The following DLGAP2 variants were observed in gnomAD, a reference collection of about 807,000 sequenced individuals.
DLGAP2 encodes DLG associated protein 2.
A neutral mutation model predicts 100.3 loss-of-function variants in DLGAP2; 26 were observed. The observed-to-expected ratio is 0.26, with a 90% CI of 0.19 to 0.36. The LOEUF is 0.36. Ranked by LOEUF, DLGAP2 falls within the 10% of genes least tolerant of loss-of-function variation. The pLI is 1.00. For missense variants in DLGAP2, 1,858 were observed against 1,453.2 expected, an observed-to-expected ratio of 1.28 and a Z score of -4.53; for synonymous variants, 886 against 630.1, an observed-to-expected ratio of 1.41 and a Z score of -6.08.
intron 2 of DLGAP2, among the ~76,000 whole-genome samples, chr8:1,030,794 T>G (rs1011558927): frequency 7.9e-5 from 12 of 152,154 alleles, no homozygotes; most frequent in Non-Finnish European, 2.9e-5. Context: ...CTGACCTAAG[T>G]TAAAGCAAAG....
intron 6 of DLGAP2, among the ~76,000 whole-genome samples, chr8:1,568,081 C>A (rs1802477523): frequency 6.6e-6 from 1 of 150,984 alleles, no homozygotes; most frequent in South Asian, 2.1e-4. Context: ...ACTCAGCAGA[C>A]ACAAATCCGT....
At chr8:1,143,628 G>C (rs907377006) in intron 2 of DLGAP2, among the ~76,000 whole-genome samples, 1 of 152,188 alleles carries the variant, frequency 6.6e-6, no homozygotes, top group African/African-American at 2.4e-5. Flanking sequence ...GGCGGCATCT[G>C]AGAGGCTTCA....
chr8:1,592,938 C>T (rs955850985), intron 6 of DLGAP2, among the ~76,000 whole-genome samples: 4 of 152,142 alleles, frequency 2.6e-5, no homozygotes, highest in Non-Finnish European at 5.9e-5. Context: ...TATCTAAAAT[C>T]ACAGCAGGAT....
At chr8:1,447,069 T>C (rs1314690081) in intron 3 of DLGAP2, among the ~76,000 whole-genome samples, 1 of 152,222 alleles carries the variant, frequency 6.6e-6, no homozygotes, top group African/African-American at 2.4e-5. Flanking sequence ...CTTTTCCTAA[T>C]TGAATACCCT....
At chr8:926,749 G>C (rs1207732893) in intron 2 of DLGAP2, among the ~76,000 whole-genome samples, 1 of 152,240 alleles carries the variant, frequency 6.6e-6, no homozygotes, top group Non-Finnish European at 1.5e-5. Flanking sequence ...AGTGAGCCAG[G>C]AGGAAGGATG....
chr8:1,291,517 C>G (rs1800059736), intron 3 of DLGAP2, among the ~76,000 whole-genome samples: 1 of 152,108 alleles, frequency 6.6e-6, no homozygotes. Flanking sequence ...GAGGAGAAGC[C>G]CATGACACAG....
rs34911599 is a variant in DLGAP2 at position 840,381 on chromosome 8, T to C, written c.19-67531T>C. Among the ~76,000 whole-genome samples the C allele has an allele frequency of 1.7e-3, 126 of 73,480 alleles. 1 individual carries two copies. The highest frequency in any genetic ancestry group is 0.011 in the Middle Eastern group (1 of 90). The allele number at this position is 73,480 out of a possible 152,430, so 48.2% of individuals were successfully genotyped here. A position where few individuals can be genotyped will look rare whatever the true frequency, so the allele number is the denominator to read the frequency against. ...CACGGTGCACGCCTGCACGTTTCCC[T>C]ACACTCTGGATTCTGCGAGCGCGTC... On this transcript the variant is annotated intron_variant, in intron 1 of 14. Transcript: ENST00000637795.
chr8:1,251,699 G>T (rs549270566), intron 2 of DLGAP2, among the ~76,000 whole-genome samples: 1 of 152,184 alleles, frequency 6.6e-6, no homozygotes, highest in South Asian at 2.1e-4. Context: ...CGTGGAGTCA[G>T]GTCATCATGT....
At chr8:995,126 G>GA (rs1340170310) in intron 2 of DLGAP2, among the ~76,000 whole-genome samples, 1 of 152,156 alleles carries the variant, frequency 6.6e-6, no homozygotes, top group East Asian at 1.9e-4. Flanking sequence ...TATTGCCTCA[G>GA]ACAGTCTTTT....
intron 3 of DLGAP2, among the ~76,000 whole-genome samples, chr8:1,329,086 G>T (rs1033865416): frequency 2.6e-5 from 4 of 152,178 alleles, no homozygotes; most frequent in Non-Finnish European, 4.4e-5. Context: ...GGTGACAAGC[G>T]ACAAGCGACG....
At chr8:912,521 C>G (rs530215698) in intron 2 of DLGAP2, among the ~76,000 whole-genome samples, 2 of 152,338 alleles carry the variant, frequency 1.3e-5, no homozygotes, top group Admixed American at 6.5e-5. Flanking sequence ...GGTCCAGTTT[C>G]AAGCTGCTGC....
intron 3 of DLGAP2, among the ~76,000 whole-genome samples, chr8:1,370,098 T>G (rs1357883334): frequency 2.0e-5 from 3 of 152,168 alleles, no homozygotes; most frequent in Non-Finnish European, 2.9e-5. Context: ...AGGCAGCTTT[T>G]CTCCCACAGG....
intron 1 of DLGAP2, among the ~76,000 whole-genome samples, chr8:836,328 C>T (rs781349165): frequency 2.0e-5 from 3 of 152,176 alleles, no homozygotes; most frequent in Non-Finnish European, 4.4e-5. Flanking sequence ...GAGAAGATAT[C>T]GGCTTGGTCC....
chr8:1,106,768 G>A (rs567835325), intron 2 of DLGAP2, among the ~76,000 whole-genome samples: 1 of 151,958 alleles, frequency 6.6e-6, no homozygotes, highest in Non-Finnish European at 1.5e-5. Context: ...AGCCATTCTA[G>A]GAGGGTTTTC....
intron 2 of DLGAP2, among the ~76,000 whole-genome samples, chr8:1,130,785 C>G (rs1443044235): frequency 1.3e-5 from 2 of 152,162 alleles, no homozygotes; most frequent in Non-Finnish European, 2.9e-5. Flanking sequence ...GGAAGTGTGG[C>G]ACAGCACGCC....
chr8:1,004,231 C>A (rs1186472047), intron 2 of DLGAP2, among the ~76,000 whole-genome samples: 3 of 152,186 alleles, frequency 2.0e-5, no homozygotes, highest in African/African-American at 7.2e-5. Context: ...ATACACACTT[C>A]CAAGCTGCTT....
intron 8 of DLGAP2, among the ~76,000 whole-genome samples, chr8:1,654,807 C>A (rs1007113475): frequency 1.3e-5 from 2 of 152,202 alleles, no homozygotes; most frequent in African/African-American, 4.8e-5. Flanking sequence ...TGCGCCATCA[C>A]TGATGATGCA....
chr8:1,583,002 A>G (rs1043401015), intron 6 of DLGAP2, among the ~76,000 whole-genome samples: 1 of 152,214 alleles, frequency 6.6e-6, no homozygotes. Context: ...CCATGCAGAA[A>G]GTGAGACGCA....
intron 2 of DLGAP2, among the ~76,000 whole-genome samples, chr8:1,033,928 TGTCACCGCGAGTGGAC>T (rs1802053464): frequency 1.1e-5 from 1 of 94,268 alleles, no homozygotes; most frequent in Non-Finnish European, 2.1e-5. Flanking sequence ...CGACCCCATG[TGTCACCGCGAGTGGAC>T]TCACACGCTC....
Sources: gnomAD v4.1 joint callset for allele counts (sites outside exome capture counted in the v4.1 genomes callset) on GRCh38, gnomAD v4.1.1 for gene constraint, MANE v1.5 for transcripts, NCBI Gene and HGNC (gene_info 2026-07-23, HGNC 2026-07-21) for gene names.